The following CT47C1 variants were observed in gnomAD, a reference collection of about 807,000 sequenced individuals.
The protein encoded by CT47C1 is cancer/testis antigen family 47 member A11 pseudogene.
the CT47C1 span, chrX:119,073,513 A>AGAG: frequency 1.4e-5 from 7 of 512,910 alleles, no homozygotes; most frequent in South Asian, 2.5e-5. Context: ...AGGAGGAGGA[A>AGAG]GAGGAGGAGG....
At chrX:119,075,896 T>C in the CT47C1 span, among the ~76,000 whole-genome samples, 1 of 111,691 alleles carries the variant, frequency 9.0e-6, no homozygotes, top group Non-Finnish European at 1.9e-5. Flanking sequence ...CAGAATTGCC[T>C]CTCATGTAAA....
the CT47C1 span, among the ~76,000 whole-genome samples, chrX:119,076,739 A>G: frequency 8.9e-6 from 1 of 112,453 alleles, no homozygotes; most frequent in Admixed American, 9.4e-5. Flanking sequence ...TGAGATGATA[A>G]TACTTGAATT....
chrX:119,073,545 C>T, the CT47C1 span: 17 of 518,038 alleles, frequency 3.3e-5, no homozygotes, highest in Middle Eastern at 3.1e-4. Context: ...AGGAACGAGG[C>T]GGACAACTTC....
the CT47C1 span, chrX:119,073,732 C>G: frequency 2.6e-6 from 2 of 767,319 alleles, no homozygotes. Context: ...CAGAAGAGCC[C>G]CGGCTGTTGC....
At chrX:119,073,166 C>T in the CT47C1 span, 3 of 445,513 alleles carry the variant, frequency 6.7e-6, no homozygotes, top group Non-Finnish European at 7.8e-6. Flanking sequence ...CAGTGGCCAC[C>T]GTCTTCACCG....
the CT47C1 span, chrX:119,073,293 C>A: frequency 2.0e-6 from 1 of 504,967 alleles, no homozygotes; most frequent in East Asian, 3.3e-5. Context: ...CAGGAGGGAG[C>A]GCAGGCCGAG....
chrX:119,076,001 G>A, the CT47C1 span, among the ~76,000 whole-genome samples: 18 of 112,457 alleles, frequency 1.6e-4, no homozygotes, highest in Non-Finnish European at 3.0e-4. Flanking sequence ...TGATATCCAA[G>A]CTTGCGAGTT....
At chrX:119,073,700 C>T in the CT47C1 span, 1 of 676,051 alleles carries the variant, frequency 1.5e-6, no homozygotes, top group South Asian at 2.7e-5. Flanking sequence ...GCGGAGGCGC[C>T]GCACTGCGGC....
At chrX:119,075,124 T>A in the CT47C1 span, 1 of 1,079,596 alleles carries the variant, frequency 9.3e-7, no homozygotes, top group African/African-American at 1.8e-5. Flanking sequence ...TATCGGTGTA[T>A]AGCTTTGAGA....
the CT47C1 span, chrX:119,075,058 G>A: frequency 1.8e-6 from 2 of 1,089,306 alleles, no homozygotes; most frequent in Non-Finnish European, 2.5e-6. Flanking sequence ...TGAAAACAAG[G>A]TGAAGAACTC....
chrX:119,074,157 G>A, the CT47C1 span: 150 of 426,079 alleles, frequency 3.5e-4, no homozygotes, highest in Middle Eastern at 2.9e-3. Context: ...CGCGGTGTGC[G>A]CACAGCTGGT....
At chrX:119,073,853 G>A in the CT47C1 span, 1 of 870,786 alleles carries the variant, frequency 1.1e-6, no homozygotes, top group Non-Finnish European at 1.7e-6. Flanking sequence ...AGACCTGGCC[G>A]AGATGGCCAG....
chrX:119,074,945 T>C, the CT47C1 span: 2 of 1,029,169 alleles, frequency 1.9e-6, no homozygotes, highest in Non-Finnish European at 1.3e-6. Context: ...ACATCTGTAT[T>C]ATTCTTCGCT....
At chrX:119,074,174 G>C in the CT47C1 span, 2 of 411,666 alleles carry the variant, frequency 4.9e-6, no homozygotes, top group African/African-American at 4.9e-5. Flanking sequence ...TGGTGAAGCA[G>C]GTGGTGAAGT....
the CT47C1 span, among the ~76,000 whole-genome samples, chrX:119,074,658 A>G: frequency 1.8e-5 from 2 of 111,291 alleles, no homozygotes; most frequent in Admixed American, 9.6e-5. Context: ...TTAGAATGAG[A>G]TCAGACACCA....
chrX:119,076,345 G>C, the CT47C1 span: 1 of 112,604 alleles, frequency 8.9e-6, no homozygotes, highest in Non-Finnish European at 1.9e-5. Flanking sequence ...GTTTGTTCAA[G>C]TTAGAAATAA....
the CT47C1 span, chrX:119,076,377 A>T: frequency 8.9e-5 from 10 of 112,799 alleles, no homozygotes; most frequent in African/African-American, 3.2e-4. Flanking sequence ...AAATGAATAA[A>T]TTGAAACATG....
the CT47C1 span, chrX:119,073,346 G>A: frequency 1.9e-6 from 1 of 531,638 alleles, no homozygotes; most frequent in Non-Finnish European, 3.4e-6. Context: ...CCCCGACAGT[G>A]GCAACACTGT....
chrX:119,076,125 C>T, the CT47C1 span: 1 of 112,708 alleles, frequency 8.9e-6, no homozygotes, highest in Non-Finnish European at 1.9e-5. Flanking sequence ...TGCTGGCTAA[C>T]GTACCATTGT....
Sources: gnomAD v4.1 joint callset for allele counts (sites outside exome capture counted in the v4.1 genomes callset) on GRCh38, gnomAD v4.1.1 for gene constraint, MANE v1.5 for transcripts, NCBI Gene and HGNC (gene_info 2026-07-23, HGNC 2026-07-21) for gene names.